The following ZNF561 variants were observed in gnomAD, a reference collection of about 807,000 sequenced individuals.
ZNF561 encodes the protein zinc finger protein 561.
Under a neutral mutation model 16.7 loss-of-function variants are expected in ZNF561, and 16 were observed. The ratio of observed to expected loss-of-function variants is 0.96; its 90% CI spans 0.65 to 1.45. The LOEUF (loss-of-function observed/expected upper bound fraction) is 1.45, where lower values mean the gene tolerates loss of function less well. ZNF561 is among the 40% of genes most tolerant of loss of function. The pLI is 0.00. For synonymous variants in ZNF561, 190 were observed against 192.1 expected (o/e 0.99, Z 0.09); for missense variants, 580 against 578.0 (o/e 1.00, Z -0.04).
chr19:9,616,166 G>C (rs1159298768), intron 4 of ZNF561, among the ~76,000 whole-genome samples: 1 of 152,214 alleles, frequency 6.6e-6, no homozygotes, highest in Non-Finnish European at 1.5e-5. Flanking sequence ...AGCAGGGACT[G>C]TTACTTTGGG....
chr19:9,611,607 T>C (rs959953652), intron 5 of ZNF561, among the ~76,000 whole-genome samples: 3 of 152,018 alleles, frequency 2.0e-5, no homozygotes, highest in Non-Finnish European at 4.4e-5. Context: ...CCACTGCACC[T>C]GGCTAATTTT....
intron 5 of ZNF561, among the ~76,000 whole-genome samples, chr19:9,613,328 C>A (rs966330273): frequency 2.0e-5 from 3 of 152,040 alleles, no homozygotes; most frequent in Non-Finnish European, 4.4e-5. Context: ...AACTCCACCT[C>A]CTGGGTTTAA....
At position 9,610,274 on chromosome 19, in the gene ZNF561, G is replaced by C. The variant is rs146116632; in HGVS notation, c.1387C>G (p.Arg463Gly). The change falls in exon 6 of 6, where the codon CGC becomes GGC. Residue 463 changes from arginine to glycine, a missense_variant. By Grantham distance (125) the Arg-to-Gly change is moderately radical (BLOSUM62 -2). Coordinates refer to ENST00000302851, the MANE Select transcript of ZNF561 (RefSeq NM_152289.3). Reference protein sequence around the residue: ...ECGKAFAVSSRLSRHERIHTG... With the variant: ...ECGKAFAVSSGLSRHERIHTG... ...TGAATTCTTTCATGTCTACTTAGGC[G>C]TGAGGAAACAGCAAATGCTTTCCCA... The C allele has an allele frequency of 6.2e-7, 1 of 1,614,058 alleles. No homozygotes were observed. The highest frequency in any genetic ancestry group is 8.5e-7 in the Non-Finnish European group (1 of 1,179,970).
intron 5 of ZNF561, among the ~76,000 whole-genome samples, chr19:9,612,648 T>C (rs993285491): frequency 6.6e-6 from 1 of 152,186 alleles, no homozygotes; most frequent in Non-Finnish European, 1.5e-5. Flanking sequence ...TCAGCCTACT[T>C]TGATAATTAT....
At position 9,614,042 on chromosome 19, in the gene ZNF561, T is replaced by C. The variant is rs752131627; in HGVS notation, c.303A>G (p.Gln101=). The change falls in exon 5 of 6, where the codon CAA becomes CAG. Residue 101 remains glutamine, a synonymous_variant. Transcript: ENST00000302851. The part of the protein sequence containing the change: ...SSLQQGFLKN[Q]IFSGIQMTRG... ...TTACCATTTGTATCCCACTGAATAT[T>C]TGATTCTTCAAAAAACCCTGCTGAA... The C allele has an allele frequency of 1.9e-6, 3 of 1,613,942 alleles. No individual in the cohort carries two copies. Among genetic ancestry groups the C allele is most frequent in the East Asian group, 2.2e-5 (1 of 44,858 alleles).
In ZNF561 at chr19:9,609,470, T is replaced by C. The variant is rs1300179068; in HGVS notation, c.*730A>G. 2 of 152,182 alleles carry C rather than the reference T, an allele frequency of 1.3e-5. No homozygotes were observed. Among genetic ancestry groups the C allele is most frequent in the African/African-American group, 4.8e-5 (2 of 41,440 alleles). The allele number at this position is 152,182 out of a possible 1,614,324, so 9.4% of individuals were successfully genotyped here. A position where few individuals can be genotyped will look rare whatever the true frequency, so the allele number is the denominator to read the frequency against. ...TGGAAAATTCTCAGCCTATCCATAATGCAAAAATTAGAAAACTTGTACTGA... is the reference window on the plus strand; with the variant it reads ...TGGAAAATTCTCAGCCTATCCATAACGCAAAAATTAGAAAACTTGTACTGA... On this transcript the variant is annotated 3_prime_UTR_variant, in exon 6 of 6. Coordinates refer to ENST00000302851, the MANE Select transcript of ZNF561 (RefSeq NM_152289.3).
At chr19:9,616,722 G>A (rs1276286750) in intron 4 of ZNF561, among the ~76,000 whole-genome samples, 2 of 151,702 alleles carry the variant, frequency 1.3e-5, no homozygotes, top group Admixed American at 1.3e-4. Flanking sequence ...CTCCCGAATA[G>A]CTGGGACTAC....
chr19:9,616,898 AT>A (rs931528154), intron 4 of ZNF561, 146 bp downstream of exon 4: 4,631 of 1,063,428 alleles, frequency 4.4e-3, no homozygotes, highest in South Asian at 6.5e-3. Flanking sequence ...CCGGCCTAGA[AT>A]TTTTTTTTTA....
intron 5 of ZNF561, among the ~76,000 whole-genome samples, chr19:9,612,729 C>T (rs753817109): frequency 6.6e-6 from 1 of 152,116 alleles, no homozygotes; most frequent in Non-Finnish European, 1.5e-5. Context: ...AATGATGGGC[C>T]CTTTTGCCAG....
At chr19:9,615,688 C>T (rs1418717898) in intron 4 of ZNF561, among the ~76,000 whole-genome samples, 1 of 151,298 alleles carries the variant, frequency 6.6e-6, no homozygotes, top group Non-Finnish European at 1.5e-5. Context: ...GGTGGATCAC[C>T]CGAGGTCAGG....
chr19:9,618,036 T>C (rs1324301340), intron 3 of ZNF561, 55 bp downstream of exon 3: 1 of 1,476,650 alleles, frequency 6.8e-7, no homozygotes, highest in African/African-American at 1.4e-5. Flanking sequence ...AAGAAATCTG[T>C]CTACCTATTG....
chr19:9,611,839 T>A (rs1342367485), intron 5 of ZNF561, among the ~76,000 whole-genome samples: 1 of 152,224 alleles, frequency 6.6e-6, no homozygotes, highest in African/African-American at 2.4e-5. Flanking sequence ...AACTCCTGGC[T>A]GAGTTCAAGT....
At chr19:9,616,586 T>G (rs2074557896) in intron 4 of ZNF561, among the ~76,000 whole-genome samples, 1 of 151,490 alleles carries the variant, frequency 6.6e-6, no homozygotes, top group African/African-American at 2.4e-5. Context: ...CGGCCTAGTC[T>G]TCATTTTTAG....
At chr19:9,619,321 C>T in intron 2 of ZNF561, 111 bp downstream of exon 2, 1 of 898,742 alleles carries the variant, frequency 1.1e-6, no homozygotes, top group Non-Finnish European at 1.7e-6. Flanking sequence ...ACTTCAATTC[C>T]TCCTAAAAGA....
Position 9,610,502 on chromosome 19 carries a change from G to A in ZNF561, c.1159C>T (p.His387Tyr). ...STSLIQHTRI[H>Y]TGEKPYECVE... ...CATTCATAAGGCTTCTCTCCTGTGT[G>A]AATTCTTGTATGCTGAATAAGACTT... The change falls in exon 6 of 6, where the codon CAC becomes TAC. Residue 387 changes from histidine (H) to tyrosine (Y), a missense_variant. His to Tyr is a moderately conservative substitution (Grantham distance 83). Coordinates refer to ENST00000302851, the MANE Select transcript of ZNF561 (RefSeq NM_152289.3). 1 of 1,613,840 alleles carries A rather than the reference G, an allele frequency of 6.2e-7. No homozygotes were observed. The highest frequency in any genetic ancestry group is 1.7e-4 in the Middle Eastern group (1 of 6,060).
At position 9,611,289 on chromosome 19, in the gene ZNF561, T is replaced by G; in HGVS notation, c.372A>C (p.Gly124=). Residue 124 remains glycine, a synonymous_variant, in exon 6 of 6, where the codon GGA becomes GGC. Coordinates refer to ENST00000302851, the MANE Select transcript of ZNF561 (RefSeq NM_152289.3). The stretch of plus-strand genomic sequence containing the variant: ...GGCAAAACTGTTCCCTGAAGACCTC[T>G]CCACAATTCTTACAGTCACAGAGTT... ...GWKLCDCKNC[G]EVFREQFCLK... 1.2e-6 allele frequency: 2 copies of G among 1,613,848 alleles called. No individual in the cohort carries two copies. The highest frequency in any genetic ancestry group is 1.7e-6 in the Non-Finnish European group (2 of 1,179,740).
chr19:9,609,898 G>T lies in ZNF561; in HGVS notation c.*302C>A. Reference sequence around the variant, plus strand: ...CCACACTGGCAGCCACTAACCAACAGGGGCTGGGGTCAATCTGCATGATTT... The same window carrying T: ...CCACACTGGCAGCCACTAACCAACATGGGCTGGGGTCAATCTGCATGATTT... On this transcript the variant is annotated 3_prime_UTR_variant, in exon 6 of 6. Coordinates refer to ENST00000302851, the MANE Select transcript of ZNF561 (RefSeq NM_152289.3). 1 of 230,712 alleles carries T rather than the reference G, an allele frequency of 4.3e-6. No individual in the cohort carries two copies. The highest frequency in any genetic ancestry group is 8.5e-6 in the Non-Finnish European group (1 of 117,168). The allele number at this position is 230,712 out of a possible 1,614,324, so 14.3% of individuals were successfully genotyped here.
At chr19:9,621,060 G>A (rs1390325634) in intron 1 of ZNF561, 102 bp downstream of exon 1, 1 of 152,470 alleles carries the variant, frequency 6.6e-6, no homozygotes, top group African/African-American at 2.4e-5. Flanking sequence ...CTGGAGAAGC[G>A]AGTGAAGTGA....
intron 5 of ZNF561, among the ~76,000 whole-genome samples, chr19:9,611,998 G>A (rs904280153): frequency 3.3e-5 from 5 of 152,078 alleles, no homozygotes; most frequent in African/African-American, 1.2e-4. Flanking sequence ...CATGATTTCG[G>A]CTCGTTGCAA....
Sources: allele counts gnomAD v4.1 joint callset (sites outside exome capture counted in the v4.1 genomes callset), GRCh38; gene constraint gnomAD v4.1.1; transcripts MANE v1.5; gene names NCBI Gene and HGNC (gene_info 2026-07-23, HGNC 2026-07-21).